Variants in MTSS2 observed in about 807,000 individuals in gnomAD.
MTSS2 encodes protein MTSS 2.
Under a neutral mutation model 67.1 loss-of-function variants are expected in MTSS2, and 27 were observed. The observed-to-expected ratio is 0.40, with a 90% confidence interval of 0.30 to 0.55. The LOEUF (loss-of-function observed/expected upper bound fraction) is 0.55. Among genes scored for constraint, MTSS2 ranks in the 20% least tolerant of loss-of-function variants. The pLI, the probability that MTSS2 is intolerant of heterozygous loss-of-function variation, is 0.43. For synonymous variants in MTSS2, 624 were observed against 468.6 expected, an observed-to-expected ratio of 1.33 and a Z score of -4.28; for missense variants, 1,171 against 1,067.8, an observed-to-expected ratio of 1.10 and a Z score of -1.35.
chr16:70,663,596 C>T lies in MTSS2; in HGVS notation c.*81G>A, dbSNP rs556715787. Reference sequence around the variant, plus strand: ...GGCTCTGTCCTCTCTCCTGGCTGGGCCTTTGCTCTGAGTGCCTGCGGCTCA... The same window carrying T: ...GGCTCTGTCCTCTCTCCTGGCTGGGTCTTTGCTCTGAGTGCCTGCGGCTCA... On this transcript the variant is annotated 3_prime_UTR_variant, in exon 15 of 15. Transcript: ENST00000338779. 10 of 1,461,782 alleles carry T rather than the reference C, an allele frequency of 6.8e-6. No homozygotes were observed. The African/African-American group carries it at 7.1e-5, about 10-fold the overall frequency. 90.6% of individuals were successfully genotyped at this position (1,461,782 alleles called of 1,614,324 possible).
chr16:70,667,278 CAAAA>C (rs34779308), intron 11 of MTSS2, among the ~76,000 whole-genome samples: 3 of 69,788 alleles, frequency 4.3e-5, no homozygotes, highest in Admixed American at 4.0e-4. Context: ...GACTCTGTCT[CAAAA>C]AAAAAAAAAA....
At chr16:70,665,426 C>A (rs1305656632) in intron 12 of MTSS2, 40 bp downstream of exon 12, 1 of 1,531,664 alleles carries the variant, frequency 6.5e-7, no homozygotes, top group Non-Finnish European at 8.8e-7. Context: ...ATGGGAGGGG[C>A]AGCTGGTGAC....
At chr16:70,674,577 G>A in intron 10 of MTSS2, 49 bp from the exon 11 acceptor site, 1 of 1,549,342 alleles carries the variant, frequency 6.5e-7, no homozygotes, top group Non-Finnish European at 8.8e-7. Flanking sequence ...GGAGACAGAG[G>A]GGTGTGTGTT....
Position 70,663,937 on chromosome 16 carries a change from C to T in MTSS2, c.1984G>A (p.Asp662Asn), listed in dbSNP as rs781138970. The stretch of plus-strand genomic sequence containing the variant: ...TTGGCCGCCAGCTGCTGCTGCTCGT[C>T]CTCGGCCCCTGCCCCGGGGTACCCG... ...AAGYPGAGAEDEQQQLAANRH... is the reference protein window; with the variant it reads ...AAGYPGAGAENEQQQLAANRH... The change falls in exon 15 of 15, where the codon GAC becomes AAC. Residue 662 changes from aspartate (D) to asparagine (N), a missense_variant. Asp to Asn is a conservative substitution (Grantham distance 23). Coordinates refer to ENST00000338779, the MANE Select transcript of MTSS2 (RefSeq NM_138383.3). 45 of 1,555,692 alleles carry T rather than the reference C, an allele frequency of 2.9e-5. No homozygotes were observed. Among genetic ancestry groups the T allele is most frequent in the Non-Finnish European group, 3.8e-5 (44 of 1,152,676 alleles).
At chr16:70,668,864 G>T (rs766339644) in intron 11 of MTSS2, among the ~76,000 whole-genome samples, 3 of 152,096 alleles carry the variant, frequency 2.0e-5, no homozygotes, top group African/African-American at 7.2e-5. Flanking sequence ...AACTGTGAGC[G>T]CTACATTTCT....
At chr16:70,673,077 C>T (rs1040381598) in intron 11 of MTSS2, among the ~76,000 whole-genome samples, 5 of 152,030 alleles carry the variant, frequency 3.3e-5, no homozygotes, top group African/African-American at 7.2e-5. Context: ...GGGAGGATCG[C>T]TTGAGCCTGG....
intron 6 of MTSS2, 58 bp downstream of exon 6, chr16:70,679,572 G>GGTGGGGCTGTGGAGCGGGGCC: frequency 2.0e-6 from 3 of 1,506,274 alleles, no homozygotes; most frequent in Non-Finnish European, 2.7e-6. Context: ...CCCACGGGGC[G>GGTGGGGCTGTGGAGCGGGGCC]GTGGGGCTGT....
intron 11 of MTSS2, among the ~76,000 whole-genome samples, chr16:70,666,256 T>C (rs556911708): frequency 6.6e-6 from 1 of 152,042 alleles, no homozygotes; most frequent in African/African-American, 2.4e-5. Flanking sequence ...AGGGTGTCCA[T>C]GGAGACCCCG....
At chr16:70,672,042 A>C (rs1234370548) in intron 11 of MTSS2, among the ~76,000 whole-genome samples, 1 of 152,372 alleles carries the variant, frequency 6.6e-6, no homozygotes, top group East Asian at 1.9e-4. Context: ...GGTGACACCA[A>C]CACGAAACAC....
Position 70,661,659 on chromosome 16 carries a change from TG to T in MTSS2, c.*2017del. The T allele has an allele frequency of 6.0e-6, 2 of 330,780 alleles. No individual in the cohort carries two copies. Among genetic ancestry groups the T allele is most frequent in the South Asian group, 4.8e-5 (2 of 41,630 alleles). The allele number at this position is 330,780 out of a possible 1,614,324, so 20.5% of individuals were successfully genotyped here. On this transcript the variant is annotated 3_prime_UTR_variant, in exon 15 of 15. Coordinates refer to ENST00000338779, the MANE Select transcript of MTSS2 (RefSeq NM_138383.3). Reference sequence around the variant, plus strand: ...AGGGCGGCGGGGGTGGTCTCAGGGATGGACAAGGGGATGGAGTAGAGTATGT... The same window carrying T: ...AGGGCGGCGGGGGTGGTCTCAGGGATGACAAGGGGATGGAGTAGAGTATGT...
chr16:70,669,238 G>A (rs1234024905), intron 11 of MTSS2, among the ~76,000 whole-genome samples: 1 of 152,082 alleles, frequency 6.6e-6, no homozygotes, highest in Non-Finnish European at 1.5e-5. Context: ...GTACCCAATA[G>A]AAGGAGAGAA....
At chr16:70,672,076 A>C (rs1235935677) in intron 11 of MTSS2, among the ~76,000 whole-genome samples, 1 of 152,228 alleles carries the variant, frequency 6.6e-6, no homozygotes, top group East Asian at 1.9e-4. Flanking sequence ...AGCCAGGGGC[A>C]GTGGCTCATG....
chr16:70,664,077 C>G lies in MTSS2; in HGVS notation c.1844G>C (p.Cys615Ser). 1 of 1,611,786 alleles carries G rather than the reference C, an allele frequency of 6.2e-7. No individual in the cohort carries two copies. Among genetic ancestry groups the G allele is most frequent in the Non-Finnish European group, 8.5e-7 (1 of 1,179,588 alleles). ...MGPTRAGSEE[C>S]VFYTDETASP... ...GGCGGTCTCGTCGGTATAGAAGACG[C>G]ACTCCTCACTGCCCGCCCGTGTGGG... Residue 615 changes from cysteine to serine, a missense_variant, in exon 15 of 15, where the codon TGC becomes TCC. Transcript: ENST00000338779.
Position 70,664,224 on chromosome 16 carries a change from C to A in MTSS2, c.1697G>T (p.Arg566Leu). Residue 566 changes from arginine to leucine, a missense_variant, in exon 15 of 15, where the codon CGC becomes CTC. Physicochemically the swap from Arg to Leu is moderately radical, Grantham distance 102. This residue lies in a region of MTSS2 where 924 missense variants were observed against 756.0 expected (regional missense o/e 1.22). Transcript: ENST00000338779. ...CACGGTGGGCTTGGTGGAGGGTGTG[C>A]GGCGGATGGTGGCCACGCCGGGGGG... is the stretch of plus-strand genomic sequence containing the variant. The part of the protein sequence containing the change: ...GAPPGVATIR[R>L]TPSTKPTVRR... 1 of 1,578,158 alleles carries A rather than the reference C, an allele frequency of 6.3e-7. No homozygotes were observed. The highest frequency in any genetic ancestry group is 1.1e-5 in the South Asian group (1 of 87,292).
chr16:70,663,971 T>C lies in MTSS2; in HGVS notation c.1950A>G (p.Pro650=), dbSNP rs554320208. 31 of 1,576,414 alleles carry C rather than the reference T, an allele frequency of 2.0e-5. No homozygotes were observed. The African/African-American group carries it at 3.4e-4, about 17-fold the overall frequency. The change falls in exon 15 of 15, where the codon CCA becomes CCG. Residue 650 remains proline (P), a synonymous_variant. Transcript: ENST00000338779. ...LPNTAWGSPS[P]EAAGYPGAGA... ...CTGCCCCGGGGTACCCGGCTGCCTC[T>C]GGGGATGGGCTGCCCCAGGCTGTGT...
rs2052566132 is a variant in MTSS2 at position 70,663,423 on chromosome 16, G to A, written c.*254C>T. ...GAGGCAGGGCCCCAGAGGAGGAAGA[G>A]GAGGGACCGAAGAGCATAAAACAGA... On this transcript the variant is annotated 3_prime_UTR_variant, in exon 15 of 15. Coordinates refer to ENST00000338779, the MANE Select transcript of MTSS2 (RefSeq NM_138383.3). 1 of 567,566 alleles carries A rather than the reference G, an allele frequency of 1.8e-6. No individual in the cohort carries two copies. Among genetic ancestry groups the A allele is most frequent in the Non-Finnish European group, 2.9e-6 (1 of 342,090 alleles). 35.2% of individuals were successfully genotyped at this position (567,566 alleles called of 1,614,324 possible). A position where few individuals can be genotyped will look rare whatever the true frequency, so the allele number is the denominator to read the frequency against.
intron 11 of MTSS2, among the ~76,000 whole-genome samples, chr16:70,672,349 A>G (rs556664919): frequency 2.0e-4 from 31 of 151,712 alleles, no homozygotes; most frequent in Middle Eastern, 3.4e-3. Flanking sequence ...TTCAAAAAAA[A>G]AAAAAAAAAA....
intron 11 of MTSS2, among the ~76,000 whole-genome samples, chr16:70,669,477 G>A (rs2052844477): frequency 6.6e-6 from 1 of 152,182 alleles, no homozygotes; most frequent in Non-Finnish European, 1.5e-5. Context: ...GAGCCCAAGA[G>A]TATGAGGCCA....
At chr16:70,667,873 A>T (rs1023454670) in intron 11 of MTSS2, among the ~76,000 whole-genome samples, 2 of 152,068 alleles carry the variant, frequency 1.3e-5, no homozygotes, top group Admixed American at 6.6e-5. Context: ...ACTCTGCCTC[A>T]GAAAAAAAAC....
Sources: gnomAD v4.1 joint callset for allele counts (sites outside exome capture counted in the v4.1 genomes callset) on GRCh38, gnomAD v4.1.1 for gene constraint, gnomAD v4.1.1 regional missense constraint, MANE v1.5 for transcripts, NCBI Gene and HGNC (gene_info 2026-07-23, HGNC 2026-07-21) for gene names.